DNAH11: variants seen among roughly 807,000 people sequenced by gnomAD.
The protein encoded by DNAH11 is dynein axonemal heavy chain 11, also known as axonemal beta dynein heavy chain 11.
DNAH11 carries 442 observed loss-of-function variants against 526.0 expected under a neutral mutation model. The ratio of observed to expected loss-of-function variants is 0.84; its 90% CI spans 0.78 to 0.91. The LOEUF (loss-of-function observed/expected upper bound fraction) is 0.91. Among genes scored for constraint, DNAH11 ranks in the 40% least tolerant of loss-of-function variants. The pLI, the probability that DNAH11 is intolerant of heterozygous loss-of-function variation, is 0.00. For missense variants in DNAH11, 6,989 were observed against 5,448.7 expected, an observed-to-expected ratio of 1.28 and a Z score of -8.90; for synonymous variants, 2,461 against 1,935.9, an observed-to-expected ratio of 1.27 and a Z score of -7.12.
intron 30 of DNAH11, among the ~76,000 whole-genome samples, chr7:21,670,529 TC>T (rs887757651): frequency 6.6e-6 from 1 of 152,142 alleles, no homozygotes; most frequent in Non-Finnish European, 1.5e-5. Flanking sequence ...GTTCTTTATT[TC>T]CTTTTTTTGA....
intron 63 of DNAH11, among the ~76,000 whole-genome samples, chr7:21,816,024 G>A (rs1179756877): frequency 2.0e-5 from 3 of 152,038 alleles, no homozygotes; most frequent in East Asian, 1.9e-4. Context: ...AGAGAGATAG[G>A]TCATCTCTTT....
At chr7:21,841,650 A>G (rs1025449232) in intron 65 of DNAH11, among the ~76,000 whole-genome samples, 1 of 152,218 alleles carries the variant, frequency 6.6e-6, no homozygotes, top group Non-Finnish European at 1.5e-5. Context: ...CATCCTGTCC[A>G]GGGCTGGTTC....
chr7:21,881,783 G>T (rs1019862029), intron 75 of DNAH11, among the ~76,000 whole-genome samples: 1 of 152,024 alleles, frequency 6.6e-6, no homozygotes, highest in Non-Finnish European at 1.5e-5. Context: ...CTCAGGCTTC[G>T]GTGGTGATTT....
chr7:21,816,028 TCTCTTTGTAGCAC>T (rs1789773484), intron 63 of DNAH11, among the ~76,000 whole-genome samples: 1 of 152,068 alleles, frequency 6.6e-6, no homozygotes, highest in African/African-American at 2.4e-5. Context: ...AGATAGGTCA[TCTCTTTGTAGCAC>T]TGGTCTGTAG....
Position 21,796,141 on chromosome 7 carries a change from T to C in DNAH11, c.10027-4996T>C, listed in dbSNP as rs1286042837. ...CCAGAATATACTAAGCTCCCTAATA[T>C]TGAAGACTCTTCTTAATGCCAAAAA... is the stretch of plus-strand genomic sequence containing the variant. On this transcript the variant is annotated intron_variant, in intron 61 of 81. Coordinates refer to ENST00000409508, the MANE Select transcript of DNAH11 (RefSeq NM_001277115.2). Among the ~76,000 whole-genome samples the C allele has an allele frequency of 2.0e-5, 3 of 152,212 alleles. No homozygotes were observed. The East Asian group carries it at 5.8e-4, about 29-fold the overall frequency.
chr7:21,656,102 C>T lies in DNAH11; in HGVS notation c.5094+121C>T. 13 of 1,126,556 alleles carry T rather than the reference C, an allele frequency of 1.2e-5. No homozygotes were observed. The South Asian group carries it at 2.8e-4, about 24-fold the overall frequency. 69.8% of individuals were successfully genotyped at this position (1,126,556 alleles called of 1,614,324 possible). A position where few individuals can be genotyped will look rare whatever the true frequency, so the allele number is the denominator to read the frequency against. ...AAATCAGGCTCTGCTTAGTTTTGTGCTCGGAGGTTCCTTTTTATCTGTATC... is the reference window on the plus strand; with the variant it reads ...AAATCAGGCTCTGCTTAGTTTTGTGTTCGGAGGTTCCTTTTTATCTGTATC... On this transcript the variant is annotated intron_variant, in intron 29 of 81. Transcript: ENST00000409508.
chr7:21,784,666 C>A, intron 58 of DNAH11, 126 bp downstream of exon 58: 1 of 614,332 alleles, frequency 1.6e-6, no homozygotes, highest in Non-Finnish European at 2.7e-6. Context: ...AAAGAAGCAC[C>A]CATGAAATAT....
intron 20 of DNAH11, among the ~76,000 whole-genome samples, chr7:21,607,124 A>G (rs1785324285): frequency 2.0e-5 from 3 of 150,762 alleles, no homozygotes; most frequent in African/African-American, 7.3e-5. Flanking sequence ...TGCGGCCTTG[A>G]GTCTGTGGCC....
At position 21,725,791 on chromosome 7, in the gene DNAH11, A is replaced by G. The variant is rs1785072892; in HGVS notation, c.7267-20A>G. ...TAATTACTTTGAGTCTGCAATAAGG[A>G]TTTCTTTTGTTCTCCTTAGATTTCT... is the stretch of plus-strand genomic sequence containing the variant. On this transcript the variant is annotated intron_variant, in intron 44 of 81. Coordinates refer to ENST00000409508, the MANE Select transcript of DNAH11 (RefSeq NM_001277115.2). The G allele has an allele frequency of 6.3e-7, 1 of 1,598,462 alleles. No homozygotes were observed. Among genetic ancestry groups the G allele is most frequent in the East Asian group, 2.2e-5 (1 of 44,698 alleles).
chr7:21,851,724 C>G (rs1782647669), intron 66 of DNAH11: 2 of 464,486 alleles, frequency 4.3e-6, no homozygotes, highest in Admixed American at 4.8e-5. Context: ...TGTCAGTGTT[C>G]CCGAGAAGCT....
At chr7:21,822,957 C>CTTTTTTTTTTTT (rs67284255) in intron 65 of DNAH11, among the ~76,000 whole-genome samples, 1 of 60,570 alleles carries the variant, frequency 1.7e-5, no homozygotes. Flanking sequence ...AGATTATTTG[C>CTTTTTTTTTTTT]TTTTTTTTTT....
chr7:21,612,554 C>CAAAAAAAAAAAAAAAAAAAAAAAAAA (rs34356379), intron 20 of DNAH11, among the ~76,000 whole-genome samples: 3 of 81,240 alleles, frequency 3.7e-5, no homozygotes, highest in African/African-American at 1.6e-4. Context: ...GGCTCCGTCT[C>CAAAAAAAAAAAAAAAAAAAAAAAAAA]AAAAAAAAAA....
rs780931328 is a variant in DNAH11, at chr7:21,588,629, C to T, written c.1966C>T (p.Arg656Cys). The T allele has an allele frequency of 5.1e-5, 83 of 1,612,982 alleles. No individual in the cohort carries two copies. The highest frequency in any genetic ancestry group is 1.1e-4 in the African/African-American group (8 of 75,022). ...GTTTTGGTCAAACTTCGCATCTCTC[C>T]GTTATCTGTAAGTAGTTAAGCTTAG... ...QMFWSNFASL[R>C]YLFLGNPDHA... The change falls in exon 11 of 82, where the codon CGT (arginine) becomes TGT (cysteine). Residue 656 changes from arginine (R) to cysteine (C), a missense_variant. Physicochemically the swap from Arg to Cys is radical, Grantham distance 180. Transcript: ENST00000409508.
intron 9 of DNAH11, among the ~76,000 whole-genome samples, chr7:21,582,437 T>C (rs1784344350): frequency 6.6e-6 from 1 of 152,228 alleles, no homozygotes; most frequent in Non-Finnish European, 1.5e-5. Flanking sequence ...GCAATTTATA[T>C]ACTGTATTTA....
chr7:21,852,481 G>A lies in DNAH11; in HGVS notation c.10911G>A (p.Lys3637=). The A allele has an allele frequency of 2.5e-6, 4 of 1,610,266 alleles. No individual in the cohort carries two copies. The highest frequency in any genetic ancestry group is 3.4e-6 in the Non-Finnish European group (4 of 1,178,372). Reference sequence around the variant, plus strand: ...GTTTTTATTAGTTGGTATTGACAAAGCACCAAAATGATTTTAAAATTGAGC... The same window carrying A: ...GTTTTTATTAGTTGGTATTGACAAAACACCAAAATGATTTTAAAATTGAGC... ...DLEKLKLVLT[K]HQNDFKIELK... is the part of the protein sequence containing the mutation. The change falls in exon 67 of 82, where the codon AAG becomes AAA. Residue 3637 remains lysine (K), a synonymous_variant. Coordinates refer to ENST00000409508, the MANE Select transcript of DNAH11 (RefSeq NM_001277115.2).
At chr7:21,589,522 A>C (rs1784600251) in intron 12 of DNAH11, 119 bp downstream of exon 12, 4 of 764,982 alleles carry the variant, frequency 5.2e-6, no homozygotes, top group Non-Finnish European at 8.0e-6. Flanking sequence ...TGAGGACTGT[A>C]ACTGTAAACA....
chr7:21,671,551 T>TC (rs1782643022), intron 30 of DNAH11, among the ~76,000 whole-genome samples: 1 of 152,162 alleles, frequency 6.6e-6, no homozygotes, highest in African/African-American at 2.4e-5. Flanking sequence ...CTCTTTTTTT[T>TC]CTTAATTGGG....
intron 32 of DNAH11, 53 bp downstream of exon 32, chr7:21,683,997 C>T (rs1346782008): frequency 6.3e-7 from 1 of 1,575,590 alleles, no homozygotes; most frequent in Non-Finnish European, 8.7e-7. Context: ...AAAAAGTCCC[C>T]TAGTGTGAGA....
At chr7:21,786,532 A>G in intron 58 of DNAH11, 92 bp from the exon 59 acceptor site, 1 of 1,422,208 alleles carries the variant, frequency 7.0e-7, no homozygotes, top group South Asian at 1.6e-5. Context: ...GAGAAGTGGG[A>G]GTCCACTAAA....
Sources: allele counts gnomAD v4.1 joint callset (sites outside exome capture counted in the v4.1 genomes callset), GRCh38; gene constraint gnomAD v4.1.1; transcripts MANE v1.5; gene names NCBI Gene and HGNC (gene_info 2026-07-23, HGNC 2026-07-21).